CTNNA2: variants seen among roughly 807,000 people sequenced by gnomAD.
The protein encoded by CTNNA2 is catenin alpha 2.
A neutral mutation model predicts 101.0 loss-of-function variants in CTNNA2; 42 were observed. That is an observed-to-expected ratio of 0.42 (90% confidence interval 0.32 to 0.54). The LOEUF (loss-of-function observed/expected upper bound fraction) is 0.54. CTNNA2 is among the 20% of genes least tolerant of loss of function. The pLI is 0.14. For synonymous variants in CTNNA2, 450 were observed against 456.4 expected, an observed-to-expected ratio of 0.99 and a Z score of 0.18; for missense variants, 871 against 1,223.1, an observed-to-expected ratio of 0.71 and a Z score of 4.29.
rs573186134 is a variant in CTNNA2, at chr2:79,694,993, G to C, written c.102+43335G>C. Among the ~76,000 whole-genome samples, 9 of 151,232 alleles carry C rather than the reference G, an allele frequency of 6.0e-5. No individual in the cohort carries two copies. The South Asian group carries it at 1.9e-3, about 32-fold the overall frequency. On this transcript the variant is annotated intron_variant, in intron 2 of 18. Transcript: ENST00000402739. ...AGCCTAAAGCGGCATCATTTAGTGA[G>C]GTCTCAAGGCCGTATGAAACCAAGC...
chr2:80,540,321 G>T (rs1691440659), intron 9 of CTNNA2, among the ~76,000 whole-genome samples: 1 of 152,172 alleles, frequency 6.6e-6, no homozygotes, highest in Non-Finnish European at 1.5e-5. Flanking sequence ...ATACTGGCAG[G>T]TGTGGTGGCT....
chr2:80,047,125 G>A (rs541953529), intron 7 of CTNNA2, among the ~76,000 whole-genome samples: 9 of 152,268 alleles, frequency 5.9e-5, no homozygotes, highest in Admixed American at 1.3e-4. Context: ...GTCCAGAGCT[G>A]TAGGGATTCA....
At chr2:80,036,537 C>T (rs1695662786) in intron 7 of CTNNA2, among the ~76,000 whole-genome samples, 1 of 152,048 alleles carries the variant, frequency 6.6e-6, no homozygotes, top group Non-Finnish European at 1.5e-5. Context: ...CCCAGAAATT[C>T]TAGGTTGCAG....
intron 7 of CTNNA2, among the ~76,000 whole-genome samples, chr2:80,275,084 A>G (rs1483984550): frequency 2.0e-5 from 3 of 152,344 alleles, no homozygotes; most frequent in South Asian, 4.1e-4. Flanking sequence ...TCCTTTACAT[A>G]TAGTTCTCTG....
chr2:80,128,068 G>A (rs952994977), intron 7 of CTNNA2, among the ~76,000 whole-genome samples: 8 of 151,898 alleles, frequency 5.3e-5, no homozygotes, highest in Non-Finnish European at 7.4e-5. Context: ...GATTCTTCTC[G>A]GGGGCAATGA....
At chr2:79,664,022 C>T (rs558344605) in intron 2 of CTNNA2, among the ~76,000 whole-genome samples, 25 of 152,232 alleles carry the variant, frequency 1.6e-4, no homozygotes, top group African/African-American at 5.3e-4. Context: ...GTTTATTGTG[C>T]ATTTTAAAAG....
At chr2:79,533,987 A>G (rs1672903515) in intron 1 of CTNNA2, among the ~76,000 whole-genome samples, 2 of 151,830 alleles carry the variant, frequency 1.3e-5, no homozygotes, top group Admixed American at 6.7e-5. Flanking sequence ...GAGCCTTTAT[A>G]AAGCTTTTTA....
intron 2 of CTNNA2, among the ~76,000 whole-genome samples, chr2:79,675,009 A>G (rs1275540067): frequency 6.6e-6 from 1 of 152,204 alleles, no homozygotes; most frequent in African/African-American, 2.4e-5. Flanking sequence ...AATATCTTGT[A>G]TGGAACAGTA....
In CTNNA2 at chr2:79,645,182, C is replaced by T. The variant is rs373860052; in HGVS notation, c.-5-6370C>T. Among the ~76,000 whole-genome samples the T allele has an allele frequency of 7.6e-4, 115 of 152,084 alleles. 2 individuals are homozygous for T. In the South Asian group the frequency reaches 0.023, roughly 31 times the overall value. ...ATTTTTTGTTGTAGAGATGGGGTTT[C>T]ATCATTTTTGCCCAGACTAGTCTCA... On this transcript the variant is annotated intron_variant, in intron 1 of 18. Coordinates refer to ENST00000402739, the MANE Select transcript of CTNNA2 (RefSeq NM_001282597.3).
chr2:79,823,747 A>G (rs1394349826), intron 3 of CTNNA2, among the ~76,000 whole-genome samples: 1 of 152,170 alleles, frequency 6.6e-6, no homozygotes, highest in Non-Finnish European at 1.5e-5. Context: ...ATGCAGCTAT[A>G]TATATTGGTA....
chr2:80,007,206 G>A (rs1693433621), intron 7 of CTNNA2, among the ~76,000 whole-genome samples: 1 of 151,932 alleles, frequency 6.6e-6, no homozygotes, highest in Admixed American at 6.6e-5. Flanking sequence ...CTAGCTTACA[G>A]GATTACCGAG....
chr2:79,482,306 A>G (rs902467146), intron 4 of CTNNA2, among the ~76,000 whole-genome samples: 11 of 152,338 alleles, frequency 7.2e-5, no homozygotes, highest in East Asian at 5.8e-4. Context: ...TTGGAAAAGT[A>G]TCTTCACCTT....
intron 2 of CTNNA2, among the ~76,000 whole-genome samples, chr2:79,215,036 A>C (rs12467244): frequency 0.74 from 112,729 of 151,682 alleles, 42,354 homozygotes; most frequent in East Asian, 0.83. Context: ...GGCGTCCGTG[A>C]TGGTCTAGGG....
chr2:80,196,137 T>C (rs1338121730), intron 7 of CTNNA2, among the ~76,000 whole-genome samples: 1 of 152,178 alleles, frequency 6.6e-6, no homozygotes, highest in Non-Finnish European at 1.5e-5. Context: ...CATGTAATTA[T>C]AGATTTTTCT....
At chr2:80,115,701 G>A (rs567391872) in intron 7 of CTNNA2, among the ~76,000 whole-genome samples, 98 of 152,250 alleles carry the variant, frequency 6.4e-4, no homozygotes, top group African/African-American at 1.9e-3. Flanking sequence ...TCCTGGGTAC[G>A]GTGCTATTTC....
intron 9 of CTNNA2, among the ~76,000 whole-genome samples, chr2:80,471,636 G>A (rs1685311714): frequency 1.3e-5 from 2 of 152,186 alleles, no homozygotes; most frequent in Admixed American, 1.3e-4. Context: ...CATGGATATG[G>A]CCATGGGATA....
intron 1 of CTNNA2, among the ~76,000 whole-genome samples, chr2:79,623,227 A>T (rs1001851068): frequency 6.6e-6 from 1 of 152,112 alleles, no homozygotes; most frequent in Non-Finnish European, 1.5e-5. Context: ...AACCTTGTAT[A>T]TGTTATTTGC....
At chr2:79,940,468 T>C (rs759580826) in intron 7 of CTNNA2, among the ~76,000 whole-genome samples, 2 of 152,190 alleles carry the variant, frequency 1.3e-5, no homozygotes, top group Non-Finnish European at 2.9e-5. Flanking sequence ...ATTATAAATC[T>C]TTCACCCCAT....
intron 3 of CTNNA2, among the ~76,000 whole-genome samples, chr2:79,345,850 G>T (rs568250103): frequency 7.1e-6 from 1 of 140,628 alleles, no homozygotes; most frequent in East Asian, 2.2e-4. Context: ...CAGCCATCAC[G>T]CCCGGTTGAT....
Sources: allele counts gnomAD v4.1 joint callset (sites outside exome capture counted in the v4.1 genomes callset), GRCh38; gene constraint gnomAD v4.1.1; transcripts MANE v1.5; gene names NCBI Gene and HGNC (gene_info 2026-07-23, HGNC 2026-07-21).